Variants in MRO observed in about 807,000 individuals in gnomAD.
MRO encodes the protein protein maestro.
A neutral mutation model predicts 31.0 loss-of-function variants in MRO; 28 were observed. The observed-to-expected ratio is 0.90, with a 90% confidence interval of 0.67 to 1.24. The LOEUF is 1.24. MRO is among the 50% of genes most tolerant of loss of function. MRO has a pLI of 0.00. For missense variants in MRO, 332 were observed against 289.2 expected (o/e 1.15, Z -1.07); for synonymous variants, 108 against 108.4 (o/e 1.00, Z 0.02).
intron 3 of MRO, among the ~76,000 whole-genome samples, chr18:50,807,946 C>T (rs578262046): frequency 6.6e-6 from 1 of 152,312 alleles, no homozygotes; most frequent in South Asian, 2.1e-4. Context: ...ATTAGCTGGG[C>T]ATGGTGGCGA....
chr18:50,800,008 G>T (rs2586778), intron 7 of MRO, 28 bp downstream of exon 7: 769,628 of 1,537,666 alleles, frequency 0.5, 196,196 homozygotes, highest in Admixed American at 0.63. Flanking sequence ...GACCGGAAAA[G>T]AATTCTCTCC....
At chr18:50,801,243 T>C in intron 6 of MRO, 106 bp downstream of exon 6, 1 of 959,688 alleles carries the variant, frequency 1.0e-6, no homozygotes, top group Non-Finnish European at 1.5e-6. Flanking sequence ...GCTAAGTATC[T>C]ACAGCAGTGC....
chr18:50,822,877 C>A (rs909217252), upstream of MRO, among the ~76,000 whole-genome samples: 1 of 151,924 alleles, frequency 6.6e-6, no homozygotes, highest in Non-Finnish European at 1.5e-5. Context: ...CAGGTGGGAC[C>A]AACACTCGGA....
At chr18:50,811,682 G>C in intron 2 of MRO, among the ~76,000 whole-genome samples, 1 of 143,272 alleles carries the variant, frequency 7.0e-6, no homozygotes, top group South Asian at 2.3e-4. Flanking sequence ...ACAACTATTT[G>C]TATCTGCTTT....
In MRO at chr18:50,806,785, T is replaced by C. The variant is rs200532114; in HGVS notation, c.165A>G (p.Glu55=). The change falls in exon 4 of 8, where the codon GAA becomes GAG. Residue 55 remains glutamate (E), a synonymous_variant. Coordinates refer to ENST00000398439, the MANE Select transcript of MRO (RefSeq NM_031939.6). The part of the protein sequence containing the change: ...PLKNVFFILA[E]RARDPSAKKR... Reference sequence around the variant, plus strand: ...TTTTAGCACTGGGGTCCCGAGCTCTTTCTGCCAAGATGAAAAACACATTCT... The same window carrying C: ...TTTTAGCACTGGGGTCCCGAGCTCTCTCTGCCAAGATGAAAAACACATTCT... 1,364 of 1,614,170 alleles carry C rather than the reference T, an allele frequency of 8.5e-4. 16 individuals carry two copies. In the South Asian group the frequency reaches 0.013, roughly 16 times the overall value.
intron 5 of MRO, among the ~76,000 whole-genome samples, chr18:50,802,262 A>G (rs866413145): frequency 1.3e-5 from 2 of 151,940 alleles, no homozygotes; most frequent in South Asian, 2.1e-4. Flanking sequence ...TATAATAATC[A>G]TGTTTCTTCC....
At chr18:50,824,310 A>G (rs1915419009), upstream of MRO, among the ~76,000 whole-genome samples, 1 of 152,046 alleles carries the variant, frequency 6.6e-6, no homozygotes, top group Non-Finnish European at 1.5e-5. Flanking sequence ...GCAAGGTGGC[A>G]TGTACCTGTG....
In MRO at chr18:50,811,676, C is replaced by T. The variant is rs1210167070; in HGVS notation, c.-4-2272G>A. Among the ~76,000 whole-genome samples, 9 of 149,034 alleles carry T rather than the reference C, an allele frequency of 6.0e-5. No homozygotes were observed. In the South Asian group the frequency reaches 1.3e-3, roughly 21 times the overall value. On this transcript the variant is annotated intron_variant, in intron 2 of 7. Transcript: ENST00000398439. ...TGCTACTATGAATATCTGTGCACAA[C>T]TATTTGTATCTGCTTTCATTTATTT...
At chr18:50,825,023 C>T (rs929744417) in intron 1 of MRO, among the ~76,000 whole-genome samples, 3 of 149,436 alleles carry the variant, frequency 2.0e-5, no homozygotes, top group Non-Finnish European at 3.0e-5. Flanking sequence ...GAGCCGAGAT[C>T]GCACCACTGC....
chr18:50,800,376 T>G (rs1913179692), intron 6 of MRO, among the ~76,000 whole-genome samples: 1 of 152,212 alleles, frequency 6.6e-6, no homozygotes, highest in African/African-American at 2.4e-5. Flanking sequence ...TAGCACAGCC[T>G]TTGTTATTAT....
upstream of MRO, among the ~76,000 whole-genome samples, chr18:50,823,313 A>AT (rs943590309): frequency 6.6e-6 from 1 of 152,152 alleles, no homozygotes; most frequent in African/African-American, 2.4e-5. Flanking sequence ...TAATCTTTGA[A>AT]TGCAATAGAT....
At position 50,798,934 on chromosome 18, in the gene MRO, A is replaced by AG. The variant is rs1005856381; in HGVS notation, c.*402_*403insC. ...AAAAAAAAACAAAACAACAACAACAAAAAAACAAAAAAACGCTTAAGGTAA... is the reference window on the plus strand; with the variant it reads ...AAAAAAAAACAAAACAACAACAACAAGAAAAACAAAAAAACGCTTAAGGTAA... On this transcript the variant is annotated 3_prime_UTR_variant, in exon 8 of 8. Transcript: ENST00000398439. The AG allele has an allele frequency of 6.5e-6, 1 of 154,956 alleles. No homozygotes were observed. Among genetic ancestry groups the AG allele is most frequent in the South Asian group, 2.0e-4 (1 of 4,896 alleles). The allele number at this position is 154,956 out of a possible 1,614,324, so 9.6% of individuals were successfully genotyped here.
chr18:50,806,101 T>C (rs1475042565), intron 4 of MRO, among the ~76,000 whole-genome samples: 1 of 151,638 alleles, frequency 6.6e-6, no homozygotes, highest in African/African-American at 2.4e-5. Flanking sequence ...TTTTTTGTAT[T>C]TTTACAAAAA....
chr18:50,803,458 G>A (rs1913603606), intron 5 of MRO, among the ~76,000 whole-genome samples: 1 of 151,022 alleles, frequency 6.6e-6, no homozygotes. Context: ...AGTGAGCTGT[G>A]TTCCTGCCAC....
At chr18:50,803,095 AG>A (rs1913555080) in intron 5 of MRO, among the ~76,000 whole-genome samples, 1 of 152,168 alleles carries the variant, frequency 6.6e-6, no homozygotes, top group African/African-American at 2.4e-5. Context: ...GGCCTCAGAT[AG>A]TGAAGAGTGC....
At position 50,804,937 on chromosome 18, in the gene MRO, G is replaced by A. The variant is rs539324918; in HGVS notation, c.429+217C>T. ...CTCCCGACTAGCTGGGACTACAGGCGTGCACCACCATGCCCAGCTAGTTCT... is the reference window on the plus strand; with the variant it reads ...CTCCCGACTAGCTGGGACTACAGGCATGCACCACCATGCCCAGCTAGTTCT... On this transcript the variant is annotated intron_variant, in intron 5 of 7. Transcript: ENST00000398439. Among the ~76,000 whole-genome samples the A allele has an allele frequency of 5.3e-5, 8 of 152,004 alleles. No homozygotes were observed. In the East Asian group the frequency reaches 7.8e-4, roughly 15 times the overall value.
At chr18:50,810,182 T>G (rs921203489) in intron 2 of MRO, among the ~76,000 whole-genome samples, 1 of 152,052 alleles carries the variant, frequency 6.6e-6, no homozygotes, top group Non-Finnish European at 1.5e-5. Flanking sequence ...CCTGGGCTCA[T>G]GCAATCCTTC....
chr18:50,818,765 T>A (rs1489690638), intron 2 of MRO, among the ~76,000 whole-genome samples: 1 of 152,124 alleles, frequency 6.6e-6, no homozygotes, highest in Non-Finnish European at 1.5e-5. Context: ...TAAATGACAA[T>A]AGTAGGCTGC....
upstream of MRO, among the ~76,000 whole-genome samples, chr18:50,821,973 C>CA (rs1280229197): frequency 6.6e-6 from 1 of 152,124 alleles, no homozygotes; most frequent in Admixed American, 6.6e-5. Context: ...GCATGATGCC[C>CA]ACAAGAGTCT....
Sources: allele counts gnomAD v4.1 joint callset (sites outside exome capture counted in the v4.1 genomes callset), GRCh38; gene constraint gnomAD v4.1.1; transcripts MANE v1.5; gene names NCBI Gene and HGNC (gene_info 2026-07-23, HGNC 2026-07-21).